BRAF: variants seen among roughly 807,000 people sequenced by gnomAD.
The protein encoded by BRAF is B-Raf proto-oncogene, serine/threonine kinase.
Under a neutral mutation model 104.6 loss-of-function variants are expected in BRAF, and 16 were observed. The observed-to-expected ratio is 0.15, with a 90% CI of 0.10 to 0.23. The LOEUF is 0.23. Ranked by LOEUF, BRAF falls within the 10% of genes least tolerant of loss-of-function variation. BRAF has a pLI of 1.00. For synonymous variants in BRAF, 310 were observed against 341.6 expected, an observed-to-expected ratio of 0.91 and a Z score of 1.02; for missense variants, 541 against 937.3, an observed-to-expected ratio of 0.58 and a Z score of 5.52.
At chr7:140,727,815 G>T (rs1795696178) in intron 19 of BRAF, among the ~76,000 whole-genome samples, 2 of 151,750 alleles carry the variant, frequency 1.3e-5, no homozygotes, top group Non-Finnish European at 2.9e-5. Context: ...TAGAGACAGG[G>T]TTTCACTGTG....
chr7:140,923,957 C>T (rs1818551588), intron 1 of BRAF, among the ~76,000 whole-genome samples: 2 of 151,998 alleles, frequency 1.3e-5, no homozygotes, highest in Non-Finnish European at 2.9e-5. Flanking sequence ...GAAAAGGCAT[C>T]GGAAACTGCG....
Position 140,722,326 on chromosome 7 carries a change from C to T in BRAF, c.*4168G>A. 1 of 1,055,224 alleles carries T rather than the reference C, an allele frequency of 9.5e-7. No homozygotes were observed. The highest frequency in any genetic ancestry group is 1.6e-5 in the African/African-American group (1 of 60,626). 65.4% of individuals were successfully genotyped at this position (1,055,224 alleles called of 1,614,324 possible). A position where few individuals can be genotyped will look rare whatever the true frequency, so the allele number is the denominator to read the frequency against. On this transcript the variant is annotated 3_prime_UTR_variant, in exon 20 of 20. Coordinates refer to ENST00000644969, the MANE Select transcript of BRAF (RefSeq NM_001374258.1). The stretch of plus-strand genomic sequence containing the variant: ...GCATTTACCTATGCAGTCTAAATTG[C>T]ACTCTAAAAATTATTAACACAGCTG...
chr7:140,754,902 T>C (rs965111583), intron 14 of BRAF, among the ~76,000 whole-genome samples: 1 of 152,204 alleles, frequency 6.6e-6, no homozygotes, highest in African/African-American at 2.4e-5. Flanking sequence ...GAGAAAACTT[T>C]CTCTAAAATG....
In BRAF at chr7:140,722,744, A is replaced by C; in HGVS notation, c.*3750T>G. On this transcript the variant is annotated 3_prime_UTR_variant, in exon 20 of 20. Coordinates refer to ENST00000644969, the MANE Select transcript of BRAF (RefSeq NM_001374258.1). ...TGCAGCAAACTCATTATGAGGATGT[A>C]CTGTCATGCCAAGCCTACTGAAAAT... is the stretch of plus-strand genomic sequence containing the variant. 2 of 1,050,560 alleles carry C rather than the reference A, an allele frequency of 1.9e-6. No homozygotes were observed. Among genetic ancestry groups the C allele is most frequent in the Non-Finnish European group, 1.1e-6 (1 of 870,044 alleles). 65.1% of individuals were successfully genotyped at this position (1,050,560 alleles called of 1,614,324 possible). A position where few individuals can be genotyped will look rare whatever the true frequency, so the allele number is the denominator to read the frequency against.
intron 3 of BRAF, 47 bp downstream of exon 3, chr7:140,834,562 G>GA (rs1562985273): frequency 6.2e-7 from 1 of 1,608,734 alleles, no homozygotes; most frequent in Non-Finnish European, 8.5e-7. Flanking sequence ...TGATCTGTCT[G>GA]AAAAATACAA....
At chr7:140,917,221 C>T (rs1010396952) in intron 1 of BRAF, among the ~76,000 whole-genome samples, 7 of 152,076 alleles carry the variant, frequency 4.6e-5, no homozygotes, top group Non-Finnish European at 7.4e-5. Context: ...CCACCATGCT[C>T]GGCTAATTTT....
chr7:140,813,122 A>T (rs1804463552), intron 3 of BRAF, among the ~76,000 whole-genome samples: 1 of 152,212 alleles, frequency 6.6e-6, no homozygotes, highest in Non-Finnish European at 1.5e-5. Flanking sequence ...AGACAGTACA[A>T]ATGGTGAAAA....
intron 5 of BRAF, 66 bp downstream of exon 5, chr7:140,807,894 A>G: frequency 7.6e-7 from 1 of 1,318,218 alleles, no homozygotes; most frequent in Admixed American, 1.8e-5. Flanking sequence ...CATTCCCTAA[A>G]TAAAAATTCA....
intron 1 of BRAF, among the ~76,000 whole-genome samples, chr7:140,871,974 T>C (rs909523257): frequency 6.6e-6 from 1 of 152,120 alleles, no homozygotes; most frequent in East Asian, 1.9e-4. Flanking sequence ...CCTAGCACTT[T>C]GGGAGGCCGC....
At chr7:140,865,737 T>C (rs1464805422) in intron 1 of BRAF, among the ~76,000 whole-genome samples, 1 of 152,048 alleles carries the variant, frequency 6.6e-6, no homozygotes, top group East Asian at 1.9e-4. Flanking sequence ...GATTTAGGAG[T>C]TTGATGATCA....
chr7:140,799,743 C>A (rs752310252), intron 7 of BRAF: 2 of 234,200 alleles, frequency 8.5e-6, no homozygotes, highest in Non-Finnish European at 1.7e-5. Flanking sequence ...TTTATGTCCT[C>A]ATCACATACT....
chr7:140,734,481 C>T lies in BRAF; in HGVS notation c.2401+136G>A. 4 of 1,594,148 alleles carry T rather than the reference C, an allele frequency of 2.5e-6. No homozygotes were observed. In the South Asian group the frequency reaches 4.5e-5, roughly 18 times the overall value. ...TCTAGTCTTTAACCACACAAGTGTT[C>T]TTTGGTTCACCTTAAAAAAAAAGAG... On this transcript the variant is annotated intron_variant, in intron 19 of 19. Coordinates refer to ENST00000644969, the MANE Select transcript of BRAF (RefSeq NM_001374258.1).
chr7:140,876,267 T>G (rs1000963781), intron 1 of BRAF, among the ~76,000 whole-genome samples: 1 of 152,246 alleles, frequency 6.6e-6, no homozygotes, highest in African/African-American at 2.4e-5. Flanking sequence ...GTGAAAATGT[T>G]AAGTTTTTAT....
chr7:140,915,603 T>C (rs1217487255), intron 1 of BRAF, among the ~76,000 whole-genome samples: 1 of 151,742 alleles, frequency 6.6e-6, no homozygotes, highest in East Asian at 1.9e-4. Context: ...CCCGGCTAAT[T>C]TTTTGCATTT....
Position 140,726,422 on chromosome 7 carries a change from T to C in BRAF, c.*72A>G. Reference sequence around the variant, plus strand: ...TAAAAAAAGATTTGAGGAACAGAACTGTGTTTTGATGTTAACAAATTGTAC... The same window carrying C: ...TAAAAAAAGATTTGAGGAACAGAACCGTGTTTTGATGTTAACAAATTGTAC... On this transcript the variant is annotated 3_prime_UTR_variant, in exon 20 of 20. Transcript: ENST00000644969. 1 of 1,528,444 alleles carries C rather than the reference T, an allele frequency of 6.5e-7. No individual in the cohort carries two copies. Among genetic ancestry groups the C allele is most frequent in the Non-Finnish European group, 8.7e-7 (1 of 1,144,812 alleles). The allele number at this position is 1,528,444 out of a possible 1,614,324, so 94.7% of individuals were successfully genotyped here. A position where few individuals can be genotyped will look rare whatever the true frequency, so the allele number is the denominator to read the frequency against.
intron 7 of BRAF, among the ~76,000 whole-genome samples, chr7:140,796,893 C>T (rs1016992355): frequency 6.6e-6 from 1 of 152,206 alleles, no homozygotes; most frequent in African/African-American, 2.4e-5. Flanking sequence ...GTCTAATTTA[C>T]ATAACAGGTA....
chr7:140,726,308 C>G lies in BRAF; in HGVS notation c.*186G>C, dbSNP rs1795594937. ...GAAGAAACACTGGCAGCAGAGAATT[C>G]TGGTTCCTAAAACATTCTTTCCTCT... On this transcript the variant is annotated 3_prime_UTR_variant, in exon 20 of 20. Transcript: ENST00000644969. The G allele has an allele frequency of 7.0e-7, 1 of 1,422,326 alleles. No individual in the cohort carries two copies. The highest frequency in any genetic ancestry group is 1.4e-5 in the African/African-American group (1 of 69,136). The allele number at this position is 1,422,326 out of a possible 1,614,324, so 88.1% of individuals were successfully genotyped here.
chr7:140,874,254 T>C (rs886520617), intron 1 of BRAF, among the ~76,000 whole-genome samples: 11 of 146,064 alleles, frequency 7.5e-5, no homozygotes, highest in Admixed American at 3.5e-4. Context: ...CAGACTGGAG[T>C]GCAGTGGCGC....
chr7:140,734,403 G>C (rs1796209870), intron 19 of BRAF: 20 of 1,462,486 alleles, frequency 1.4e-5, no homozygotes, highest in Non-Finnish European at 1.8e-5. Flanking sequence ...TTTAACCCTT[G>C]GATGTTAAAA....
Sources: allele counts gnomAD v4.1 joint callset (sites outside exome capture counted in the v4.1 genomes callset), GRCh38; gene constraint gnomAD v4.1.1; transcripts MANE v1.5; gene names NCBI Gene and HGNC (gene_info 2026-07-23, HGNC 2026-07-21).